Variants in NCAM2 observed in about 807,000 individuals in gnomAD.
NCAM2 encodes N-CAM-2.
NCAM2 carries 30 observed loss-of-function variants against 98.1 expected under a neutral mutation model. The ratio of observed to expected loss-of-function variants is 0.31; its 90% CI spans 0.23 to 0.41. The LOEUF (loss-of-function observed/expected upper bound fraction) is 0.41, where lower values mean the gene tolerates loss of function less well. Among genes scored for constraint, NCAM2 ranks in the 10% least tolerant of loss-of-function variants. The pLI, the probability that NCAM2 is intolerant of heterozygous loss-of-function variation, is 1.00. For synonymous variants in NCAM2, 368 were observed against 342.4 expected, an observed-to-expected ratio of 1.07 and a Z score of -0.83; for missense variants, 867 against 1,005.8, an observed-to-expected ratio of 0.86 and a Z score of 1.87.
intron 1 of NCAM2, among the ~76,000 whole-genome samples, chr21:21,095,075 G>C (rs373916639): frequency 6.6e-6 from 1 of 151,774 alleles, no homozygotes; most frequent in South Asian, 2.1e-4. Flanking sequence ...GTCTTACAGT[G>C]TCTTCAAGAA....
At chr21:21,154,757 T>C (rs755286503) in intron 1 of NCAM2, among the ~76,000 whole-genome samples, 4 of 151,834 alleles carry the variant, frequency 2.6e-5, no homozygotes, top group Middle Eastern at 3.2e-3. Flanking sequence ...TTTATATGCA[T>C]GTGTAGGATA....
intron 1 of NCAM2, among the ~76,000 whole-genome samples, chr21:21,072,013 C>T (rs1271994597): frequency 6.1e-5 from 9 of 146,894 alleles, no homozygotes; most frequent in South Asian, 2.1e-4. Flanking sequence ...CCCGGGTTCA[C>T]GCCATTCTCC....
At chr21:21,428,143 CAAAT>C (rs1261031360) in intron 11 of NCAM2, among the ~76,000 whole-genome samples, 2 of 152,156 alleles carry the variant, frequency 1.3e-5, no homozygotes, top group Non-Finnish European at 2.9e-5. Context: ...GGTAATTAAA[CAAAT>C]AAGTATTTGC....
chr21:21,262,244 CCAGA>C (rs1286791531), intron 1 of NCAM2, among the ~76,000 whole-genome samples: 1 of 152,072 alleles, frequency 6.6e-6, no homozygotes, highest in Admixed American at 6.6e-5. Context: ...AAGCCCACGA[CCAGA>C]CAGATTCACA....
chr21:21,368,848 G>C (rs1387253598), intron 8 of NCAM2, among the ~76,000 whole-genome samples: 1 of 151,754 alleles, frequency 6.6e-6, no homozygotes, highest in Non-Finnish European at 1.5e-5. Context: ...CAGTGTGAGT[G>C]ATCTTTTTAA....
At chr21:21,447,384 T>C (rs983135639) in intron 12 of NCAM2, among the ~76,000 whole-genome samples, 11 of 152,088 alleles carry the variant, frequency 7.2e-5, no homozygotes, top group Non-Finnish European at 1.6e-4. Context: ...CCTTACACCT[T>C]ATACAAAAAT....
chr21:21,327,330 A>AT (rs398036241), intron 6 of NCAM2, among the ~76,000 whole-genome samples: 31 of 149,774 alleles, frequency 2.1e-4, no homozygotes, highest in Non-Finnish European at 4.0e-4. Context: ...AAAAAAAAAA[A>AT]TTTCTTTTCC....
intron 1 of NCAM2, among the ~76,000 whole-genome samples, chr21:21,156,006 C>T (rs974024717): frequency 6.6e-6 from 1 of 151,950 alleles, no homozygotes; most frequent in Admixed American, 6.6e-5. Context: ...CTTCTTACTT[C>T]AGTTAAGTGT....
At chr21:21,414,979 C>G (rs913549519) in intron 10 of NCAM2, among the ~76,000 whole-genome samples, 3 of 150,302 alleles carry the variant, frequency 2.0e-5, no homozygotes, top group Non-Finnish European at 4.4e-5. Context: ...CACTATATCT[C>G]AACAGTGGGC....
chr21:21,416,471 A>G (rs2076995550), intron 10 of NCAM2, among the ~76,000 whole-genome samples: 1 of 151,672 alleles, frequency 6.6e-6, no homozygotes, highest in Non-Finnish European at 1.5e-5. Context: ...TTAATGCAGG[A>G]TTGCTACAAA....
At chr21:21,183,322 T>C (rs894960966) in intron 1 of NCAM2, among the ~76,000 whole-genome samples, 10 of 152,118 alleles carry the variant, frequency 6.6e-5, no homozygotes, top group Middle Eastern at 3.2e-3. Context: ...GAAGCAACTC[T>C]CTTAATCCTA....
chr21:21,258,911 C>T (rs1200859686), intron 1 of NCAM2, among the ~76,000 whole-genome samples: 3 of 152,084 alleles, frequency 2.0e-5, no homozygotes, highest in Non-Finnish European at 4.4e-5. Flanking sequence ...AGTACAGCTC[C>T]ATAAAGCTCA....
chr21:21,374,266 T>C (rs2075983578), intron 9 of NCAM2, among the ~76,000 whole-genome samples: 1 of 151,862 alleles, frequency 6.6e-6, no homozygotes, highest in Non-Finnish European at 1.5e-5. Context: ...TTTTGCAACA[T>C]TGAACTCAAA....
chr21:21,344,410 G>A (rs934932768), intron 8 of NCAM2, among the ~76,000 whole-genome samples: 1 of 152,142 alleles, frequency 6.6e-6, no homozygotes, highest in Admixed American at 6.6e-5. Flanking sequence ...GTCCTGAAAT[G>A]TGATTGCAGG....
chr21:21,530,554 A>G (rs1989635559), intron 16 of NCAM2, among the ~76,000 whole-genome samples: 1 of 151,006 alleles, frequency 6.6e-6, no homozygotes, highest in Non-Finnish European at 1.5e-5. Flanking sequence ...CCTAGGATAC[A>G]CACACACTCA....
At chr21:21,029,215 C>T (rs926949468) in intron 1 of NCAM2, among the ~76,000 whole-genome samples, 1 of 152,134 alleles carries the variant, frequency 6.6e-6, no homozygotes, top group African/African-American at 2.4e-5. Flanking sequence ...TGTTTGACTT[C>T]CTACATTGTC....
At chr21:21,101,277 G>A (rs1463623666) in intron 1 of NCAM2, among the ~76,000 whole-genome samples, 3 of 151,864 alleles carry the variant, frequency 2.0e-5, no homozygotes, top group African/African-American at 7.3e-5. Context: ...AATATATGTT[G>A]ATAAAACATG....
intron 1 of NCAM2, among the ~76,000 whole-genome samples, chr21:21,269,280 G>T (rs2072407511): frequency 2.0e-5 from 3 of 152,098 alleles, no homozygotes; most frequent in Non-Finnish European, 4.4e-5. Flanking sequence ...AAACAGAATT[G>T]CTGTTTACTA....
intron 11 of NCAM2, among the ~76,000 whole-genome samples, chr21:21,430,833 G>A (rs553817922): frequency 1.1e-4 from 16 of 151,952 alleles, no homozygotes; most frequent in Non-Finnish European, 2.4e-4. Flanking sequence ...AGATCACGAG[G>A]TTAAAAGATT....
Sources: gnomAD v4.1 joint callset for allele counts (sites outside exome capture counted in the v4.1 genomes callset) on GRCh38, gnomAD v4.1.1 for gene constraint, MANE v1.5 for transcripts, NCBI Gene and HGNC (gene_info 2026-07-23, HGNC 2026-07-21) for gene names.